PPP1R14C: variants seen among roughly 807,000 people sequenced by gnomAD.
PPP1R14C encodes the protein protein phosphatase 1 regulatory inhibitor subunit 14C.
A neutral mutation model predicts 20.4 loss-of-function variants in PPP1R14C; 16 were observed. The observed-to-expected ratio is 0.78, with a 90% CI of 0.53 to 1.19. The LOEUF (loss-of-function observed/expected upper bound fraction) is 1.19, where lower values mean the gene tolerates loss of function less well. Among genes scored for constraint, PPP1R14C ranks in the 50% most tolerant of loss-of-function variants. The pLI, the probability that PPP1R14C is intolerant of heterozygous loss-of-function variation, is 0.00. For missense variants in PPP1R14C, 211 were observed against 220.1 expected (o/e 0.96, Z 0.26); for synonymous variants, 91 against 91.0 (o/e 1.00, Z 0.00).
At chr6:150,156,812 T>C (rs1210951844) in intron 1 of PPP1R14C, among the ~76,000 whole-genome samples, 1 of 152,258 alleles carries the variant, frequency 6.6e-6, no homozygotes, top group East Asian at 1.9e-4. Flanking sequence ...TATGTTAAGA[T>C]ATTCCATTTC....
At chr6:150,180,504 T>C (rs1420108036) in intron 1 of PPP1R14C, among the ~76,000 whole-genome samples, 3 of 152,200 alleles carry the variant, frequency 2.0e-5, no homozygotes, top group African/African-American at 7.2e-5. Context: ...CTAAGCACTG[T>C]AAGATTTAAT....
chr6:150,239,211 T>C (rs1221339472), intron 3 of PPP1R14C, among the ~76,000 whole-genome samples: 1 of 152,242 alleles, frequency 6.6e-6, no homozygotes, highest in African/African-American at 2.4e-5. Context: ...ATGTCCAATA[T>C]ACGTACAAGT....
intron 1 of PPP1R14C, among the ~76,000 whole-genome samples, chr6:150,169,014 C>T (rs2114867387): frequency 6.6e-6 from 1 of 152,276 alleles, no homozygotes; most frequent in South Asian, 2.1e-4. Flanking sequence ...GTAGCTGGGA[C>T]TATCGGCACG....
intron 1 of PPP1R14C, among the ~76,000 whole-genome samples, chr6:150,167,940 T>TCCTCCC (rs1777442066): frequency 8.2e-3 from 9 of 1,092 alleles, no homozygotes; most frequent in South Asian, 0.071. Context: ...TCTCCATGTC[T>TCCTCCC]CCGTTCTCCC....
At chr6:150,232,603 G>A (rs752099377) in intron 3 of PPP1R14C, among the ~76,000 whole-genome samples, 23 of 152,158 alleles carry the variant, frequency 1.5e-4, no homozygotes, top group Non-Finnish European at 2.5e-4. Context: ...CTTTGTATAT[G>A]GTGTAAGGTA....
chr6:150,146,852 G>C (rs935016830), intron 1 of PPP1R14C, among the ~76,000 whole-genome samples: 4 of 152,214 alleles, frequency 2.6e-5, no homozygotes, highest in African/African-American at 9.7e-5. Flanking sequence ...AGGAAGACAG[G>C]TTATGGCAGG....
Position 150,216,519 on chromosome 6 carries a change from A to T in PPP1R14C, c.391-305A>T, listed in dbSNP as rs193212963. Among the ~76,000 whole-genome samples, 79 of 151,224 alleles carry T rather than the reference A, an allele frequency of 5.2e-4. No individual in the cohort carries two copies. The East Asian group carries it at 0.015, about 28-fold the overall frequency. ...CAAAACAAACAAACAAACAAACAAA[A>T]CTGGTCAAGGGTTATATTTTGTTTT... On this transcript the variant is annotated intron_variant, in intron 2 of 3. Transcript: ENST00000361131.
At chr6:150,237,960 C>T (rs1186477445) in intron 3 of PPP1R14C, among the ~76,000 whole-genome samples, 2 of 152,156 alleles carry the variant, frequency 1.3e-5, no homozygotes, top group African/African-American at 4.8e-5. Context: ...TTCTGTTTCT[C>T]TCCTTCTTGC....
chr6:150,244,167 C>CCA (rs1778465670), intron 3 of PPP1R14C, among the ~76,000 whole-genome samples: 1 of 98,856 alleles, frequency 1.0e-5, no homozygotes, highest in Non-Finnish European at 1.9e-5. Context: ...AATAAAGCTG[C>CCA]TAAAAAAAAA....
intron 1 of PPP1R14C, among the ~76,000 whole-genome samples, chr6:150,172,615 C>A (rs372640156): frequency 6.6e-6 from 1 of 152,074 alleles, no homozygotes; most frequent in South Asian, 2.1e-4. Context: ...TCTTATGAAG[C>A]CTTGGTTTAT....
At chr6:150,229,688 G>A (rs1778269999) in intron 3 of PPP1R14C, among the ~76,000 whole-genome samples, 2 of 152,020 alleles carry the variant, frequency 1.3e-5, no homozygotes, top group Non-Finnish European at 2.9e-5. Context: ...GTTAAAGGAG[G>A]GGGAAAAAAC....
chr6:150,201,136 A>G lies in PPP1R14C; in HGVS notation c.307-13608A>G, dbSNP rs1244712935. On this transcript the variant is annotated intron_variant, in intron 1 of 3. Coordinates refer to ENST00000361131, the MANE Select transcript of PPP1R14C (RefSeq NM_030949.3). The surrounding 1 kb of genome is among the most constrained non-coding windows in gnomAD (Gnocchi z 4.2). ...GGATACTCAGACATTCCATCTGTAA[A>G]TAGAGATGATGATAATACTCACCTC... Among the ~76,000 whole-genome samples the G allele has an allele frequency of 6.6e-6, 1 of 152,238 alleles. No individual in the cohort carries two copies. Among genetic ancestry groups the G allele is most frequent in the Non-Finnish European group, 1.5e-5 (1 of 68,038 alleles).
intron 1 of PPP1R14C, among the ~76,000 whole-genome samples, chr6:150,210,191 G>A (rs1041021430): frequency 1.3e-5 from 2 of 152,130 alleles, no homozygotes; most frequent in Admixed American, 1.3e-4. Flanking sequence ...ACTGCTGCTT[G>A]CAAGTTGGGG....
chr6:150,178,241 G>A (rs1777584516), intron 1 of PPP1R14C, among the ~76,000 whole-genome samples: 1 of 152,236 alleles, frequency 6.6e-6, no homozygotes, highest in African/African-American at 2.4e-5. Flanking sequence ...GGGAACAGTG[G>A]TAGTAGGTCT....
At chr6:150,160,431 ATTT>A (rs71010884) in intron 1 of PPP1R14C, among the ~76,000 whole-genome samples, 38 of 142,788 alleles carry the variant, frequency 2.7e-4, no homozygotes, top group African/African-American at 9.6e-4. Context: ...CACCCAGCTA[ATTT>A]TTTTTTTTTT....
chr6:150,170,196 G>C (rs1272408423), intron 1 of PPP1R14C, among the ~76,000 whole-genome samples: 3 of 152,138 alleles, frequency 2.0e-5, no homozygotes, highest in African/African-American at 7.2e-5. Context: ...AGTGGAATGG[G>C]AAATATTGTT....
chr6:150,173,510 C>T (rs779533522), intron 1 of PPP1R14C, among the ~76,000 whole-genome samples: 1 of 152,152 alleles, frequency 6.6e-6, no homozygotes, highest in Non-Finnish European at 1.5e-5. Flanking sequence ...AGATCTCTCC[C>T]TGAATGAAGT....
intron 1 of PPP1R14C, among the ~76,000 whole-genome samples, chr6:150,191,327 A>G (rs1256783239): frequency 2.6e-5 from 4 of 152,224 alleles, no homozygotes; most frequent in African/African-American, 9.6e-5. Context: ...GAGTGCAAAG[A>G]TTCTGTCAAT....
intron 1 of PPP1R14C, among the ~76,000 whole-genome samples, chr6:150,209,817 G>C (rs1420314643): frequency 6.8e-6 from 1 of 147,906 alleles, no homozygotes; most frequent in South Asian, 2.1e-4. Flanking sequence ...TTATATTCAT[G>C]TGTGTGTATG....
Sources: allele counts gnomAD v4.1 joint callset (sites outside exome capture counted in the v4.1 genomes callset), GRCh38; gene constraint gnomAD v4.1.1; non-coding constraint Gnocchi (gnomAD v3.1); transcripts MANE v1.5; gene names NCBI Gene and HGNC (gene_info 2026-07-23, HGNC 2026-07-21).